COMMD7: variants seen among roughly 807,000 people sequenced by gnomAD.
COMMD7 encodes COMM domain-containing protein 7.
COMMD7 carries 28 observed loss-of-function variants against 34.8 expected under a neutral mutation model. The observed-to-expected ratio is 0.80, with a 90% CI of 0.60 to 1.10. The LOEUF (loss-of-function observed/expected upper bound fraction) is 1.10, where lower values mean the gene tolerates loss of function less well. Among genes scored for constraint, COMMD7 ranks in the 50% least tolerant of loss-of-function variants. The pLI is 0.00. For missense variants in COMMD7, 211 were observed against 241.6 expected, an observed-to-expected ratio of 0.87 and a Z score of 0.84; for synonymous variants, 80 against 86.4, an observed-to-expected ratio of 0.93 and a Z score of 0.41.
chr20:32,726,062 CAAAA>C (rs34689858), intron 3 of COMMD7, among the ~76,000 whole-genome samples: 4 of 71,130 alleles, frequency 5.6e-5, no homozygotes, highest in Non-Finnish European at 7.9e-5. Context: ...AAGCCTGTCT[CAAAA>C]AAAAAAAAAA....
chr20:32,737,197 T>C (rs967684820), intron 1 of COMMD7, among the ~76,000 whole-genome samples: 1 of 146,526 alleles, frequency 6.8e-6, no homozygotes, highest in African/African-American at 2.5e-5. Flanking sequence ...AAAAGAAATA[T>C]ATACATATAC....
rs1176056154 is a variant in COMMD7 at position 32,739,644 on chromosome 20, C to CAAAAAAAAAAA, written c.84+3653_84+3663dup. ...TCGGTGACAGAGCAAGGCTCTGTAT[C>CAAAAAAAAAAA]AAAAAAAAAAAAAAAAAAAATACAT... On this transcript the variant is annotated intron_variant, in intron 1 of 8. Transcript: ENST00000278980. 4.3e-4 allele frequency among the ~76,000 whole-genome samples: 24 copies of CAAAAAAAAAAA among 55,992 alleles called. 1 individual carries two copies. The highest frequency in any genetic ancestry group is 1.2e-3 in the African/African-American group (16 of 13,828). The allele number at this position is 55,992 out of a possible 152,430, so 36.7% of individuals were successfully genotyped here. A position where few individuals can be genotyped will look rare whatever the true frequency, so the allele number is the denominator to read the frequency against.
intron 3 of COMMD7, among the ~76,000 whole-genome samples, chr20:32,711,492 A>AG (rs1984445526): frequency 6.6e-6 from 1 of 151,934 alleles, no homozygotes; most frequent in Non-Finnish European, 1.5e-5. Flanking sequence ...AGTGGCTTAT[A>AG]GGCCAGAGGG....
At chr20:32,715,045 T>TG (rs1984698934) in intron 3 of COMMD7, among the ~76,000 whole-genome samples, 2 of 147,882 alleles carry the variant, frequency 1.4e-5, no homozygotes, top group Non-Finnish European at 3.0e-5. Flanking sequence ...AATAAATAAA[T>TG]AAATAAATGA....
Position 32,743,417 on chromosome 20 carries a change from C to G in COMMD7, c.-26G>C, listed in dbSNP as rs1359295628. On this transcript the variant is annotated 5_prime_UTR_variant, in exon 1 of 9. Coordinates refer to ENST00000278980, the MANE Select transcript of COMMD7 (RefSeq NM_053041.3). The stretch of plus-strand genomic sequence containing the variant: ...GGCGCGCGCCCCAGCCCCGCAGGTT[C>G]CACCGCCGCCGCCGCCCTGCTCAGC... 1 of 1,323,400 alleles carries G rather than the reference C, an allele frequency of 7.6e-7. No individual in the cohort carries two copies. Among genetic ancestry groups the G allele is most frequent in the African/African-American group, 1.6e-5 (1 of 64,506 alleles). 82.0% of individuals were successfully genotyped at this position (1,323,400 alleles called of 1,614,324 possible).
chr20:32,743,239 C>CGGGG, intron 1 of COMMD7, 69 bp downstream of exon 1: 3 of 644,286 alleles, frequency 4.7e-6, no homozygotes, highest in Non-Finnish European at 7.5e-6. Context: ...CCCGGACGTC[C>CGGGG]CCCCCACCCC....
At chr20:32,711,413 C>T (rs1361726816) in intron 3 of COMMD7, among the ~76,000 whole-genome samples, 1 of 139,774 alleles carries the variant, frequency 7.2e-6, no homozygotes, top group Non-Finnish European at 1.6e-5. Flanking sequence ...AAAAATGTTA[C>T]TTAAAAAAAA....
intron 1 of COMMD7, among the ~76,000 whole-genome samples, chr20:32,733,888 A>C (rs966957892): frequency 8.7e-5 from 13 of 149,054 alleles, no homozygotes; most frequent in Admixed American, 3.4e-4. Context: ...TCTCAAAAAA[A>C]AAAAAGAAGG....
At chr20:32,705,463 T>C (rs1259830924) in intron 5 of COMMD7, among the ~76,000 whole-genome samples, 2 of 151,470 alleles carry the variant, frequency 1.3e-5, no homozygotes, top group African/African-American at 4.9e-5. Context: ...AAGCTCCACC[T>C]CCTGGGTTCA....
intron 6 of COMMD7, 99 bp from the exon 7 acceptor site, chr20:32,704,588 G>A: frequency 3.0e-6 from 4 of 1,316,160 alleles, no homozygotes; most frequent in South Asian, 1.3e-5. Context: ...CTGTCCAGCA[G>A]AAGCCATGTG....
chr20:32,705,238 C>T (rs898341841), intron 5 of COMMD7, among the ~76,000 whole-genome samples: 10 of 151,536 alleles, frequency 6.6e-5, no homozygotes, highest in Admixed American at 2.0e-4. Flanking sequence ...CTCAATCAGT[C>T]ACTTGTTATT....
At chr20:32,739,775 TG>T (rs1195299698) in intron 1 of COMMD7, among the ~76,000 whole-genome samples, 6 of 141,448 alleles carry the variant, frequency 4.2e-5, no homozygotes, top group Non-Finnish European at 1.5e-5. Flanking sequence ...CCCAGCACTT[TG>T]GGGGGCCAAG....
At chr20:32,712,218 CG>C (rs1380894316) in intron 3 of COMMD7, among the ~76,000 whole-genome samples, 6 of 130,844 alleles carry the variant, frequency 4.6e-5, no homozygotes, top group African/African-American at 1.8e-4. Flanking sequence ...TGCAGTGAGC[CG>C]AGATCGTGCC....
intron 1 of COMMD7, among the ~76,000 whole-genome samples, chr20:32,739,039 T>G (rs954657640): frequency 2.0e-5 from 3 of 152,220 alleles, no homozygotes; most frequent in Non-Finnish European, 4.4e-5. Context: ...AATAGTGCCT[T>G]CCTTTTAGAG....
intron 3 of COMMD7, among the ~76,000 whole-genome samples, chr20:32,708,180 A>G (rs1984213803): frequency 6.6e-6 from 1 of 152,206 alleles, no homozygotes; most frequent in Admixed American, 6.5e-5. Context: ...CTGAAAACAA[A>G]GCCAGCAATC....
intron 1 of COMMD7, among the ~76,000 whole-genome samples, chr20:32,728,387 A>C (rs981522582): frequency 6.6e-6 from 1 of 152,050 alleles, no homozygotes; most frequent in Non-Finnish European, 1.5e-5. Context: ...GAGAGACTGT[A>C]AGCATATGCA....
At chr20:32,718,425 G>A (rs1030571275) in intron 3 of COMMD7, among the ~76,000 whole-genome samples, 7 of 151,266 alleles carry the variant, frequency 4.6e-5, no homozygotes, top group African/African-American at 1.5e-4. Flanking sequence ...GGGGCCGGAC[G>A]CAGTGGCTCA....
At chr20:32,743,186 A>G in intron 1 of COMMD7, 122 bp downstream of exon 1, 1 of 826,794 alleles carries the variant, frequency 1.2e-6, no homozygotes, top group Non-Finnish European at 1.8e-6. Flanking sequence ...CCAAACGCCC[A>G]CAAGACGCCG....
At chr20:32,711,978 A>G (rs1176756295) in intron 3 of COMMD7, among the ~76,000 whole-genome samples, 1 of 149,938 alleles carries the variant, frequency 6.7e-6, no homozygotes, top group East Asian at 2.0e-4. Context: ...AGGTCAAGAG[A>G]TCGAGACTGA....
Sources: gnomAD v4.1 joint callset for allele counts (sites outside exome capture counted in the v4.1 genomes callset) on GRCh38, gnomAD v4.1.1 for gene constraint, MANE v1.5 for transcripts, NCBI Gene and HGNC (gene_info 2026-07-23, HGNC 2026-07-21) for gene names.